MYO5C: variants seen among roughly 807,000 people sequenced by gnomAD.
The protein encoded by MYO5C is unconventional myosin-Vc.
Under a neutral mutation model 235.7 loss-of-function variants are expected in MYO5C, and 194 were observed. The ratio of observed to expected loss-of-function variants is 0.82; its 90% CI spans 0.73 to 0.93. MYO5C has a LOEUF of 0.93. Among genes scored for constraint, MYO5C ranks in the 40% least tolerant of loss-of-function variants. The pLI, the probability that MYO5C is intolerant of heterozygous loss-of-function variation, is 0.00. For synonymous variants in MYO5C, 707 were observed against 754.8 expected, an observed-to-expected ratio of 0.94 and a Z score of 1.04; for missense variants, 2,038 against 2,127.2, an observed-to-expected ratio of 0.96 and a Z score of 0.82.
intron 14 of MYO5C, 114 bp downstream of exon 14, chr15:52,248,586 T>TCG: frequency 1.5e-6 from 1 of 646,744 alleles, no homozygotes; most frequent in Non-Finnish European, 2.6e-6. Flanking sequence ...TCCAGAGAGT[T>TCG]CACACACACA....
intron 37 of MYO5C, chr15:52,205,571 G>A (rs2035293733): frequency 2.9e-6 from 1 of 345,490 alleles, no homozygotes. Context: ...AGTAGTAGAA[G>A]TTTCCCCAAG....
intron 32 of MYO5C, among the ~76,000 whole-genome samples, chr15:52,215,385 G>A (rs929542574): frequency 4.6e-5 from 7 of 152,216 alleles, no homozygotes; most frequent in African/African-American, 1.7e-4. Flanking sequence ...AAAGGACATA[G>A]TGTTTAAGTT....
Position 52,244,438 on chromosome 15 carries a change from A to G in MYO5C, c.2308T>C (p.Trp770Arg). 6 of 1,614,192 alleles carry G rather than the reference A, an allele frequency of 3.7e-6. No individual in the cohort carries two copies. The highest frequency in any genetic ancestry group is 5.1e-6 in the Non-Finnish European group (6 of 1,180,036). The change falls in exon 19 of 41, where the codon TGG becomes CGG. Residue 770 changes from tryptophan (W) to arginine (R), a missense_variant. By Grantham distance (101) the Trp-to-Arg change is moderately radical. Transcript: ENST00000261839. ...CVMVQKHMRG[W>R]LQRKKFLRER... ...CGGAGGAATTTTTTCCTCTGGAGCC[A>G]GCCACGCATGTGCTTTTGTACCATA...
intron 8 of MYO5C, chr15:52,265,181 C>T (rs142501998): frequency 6.6e-6 from 1 of 152,348 alleles, no homozygotes; most frequent in Non-Finnish European, 1.5e-5. Flanking sequence ...ATTATGACTA[C>T]ATACCATATT....
chr15:52,278,757 T>A, intron 4 of MYO5C, 116 bp downstream of exon 4: 26 of 1,214,048 alleles, frequency 2.1e-5, no homozygotes, highest in East Asian at 7.7e-5. Flanking sequence ...AAGCACCACC[T>A]CTGGCCTATC....
Position 52,253,351 on chromosome 15 carries a change from A to AT in MYO5C, c.1501dup (p.Met501AsnfsTer9). 2 of 1,612,900 alleles carry AT rather than the reference A, an allele frequency of 1.2e-6. No homozygotes were observed. The highest frequency in any genetic ancestry group is 4.5e-5 in the East Asian group (2 of 44,868). ...TTCATCCAGTAACTCCAGAATTCCCATTTTTGCTTCAATCAGGTCAATAAC... is the reference window on the plus strand; with the variant it reads ...TTCATCCAGTAACTCCAGAATTCCCATTTTTTGCTTCAATCAGGTCAATAAC... On this transcript the variant is annotated frameshift_variant, in exon 12 of 41. Transcript: ENST00000261839. LOFTEE classifies it high-confidence loss of function.
intron 1 of MYO5C, among the ~76,000 whole-genome samples, chr15:52,293,218 G>T (rs7178838): frequency 0.09 from 13,741 of 152,006 alleles, 722 homozygotes; most frequent in South Asian, 0.15. Context: ...GTTCCCACAG[G>T]GTGGCTTCCA....
Position 52,232,999 on chromosome 15 carries a change from G to A in MYO5C, c.2963-314C>T, listed in dbSNP as rs1375488877. On this transcript the variant is annotated intron_variant, in intron 23 of 40. Transcript: ENST00000261839. ...TGAATATTATTAAAAATAAATAGAG[G>A]CCGGGCGCGGTGGCTCACGCCTGTA... is the stretch of plus-strand genomic sequence containing the variant. Among the ~76,000 whole-genome samples the A allele has an allele frequency of 9.0e-4, 20 of 22,326 alleles. 8 individuals are homozygous for A. Among genetic ancestry groups the A allele is most frequent in the Non-Finnish European group, 2.7e-3 (10 of 3,744 alleles). The allele number at this position is 22,326 out of a possible 152,430, so 14.6% of individuals were successfully genotyped here.
In MYO5C at chr15:52,237,586, C is replaced by A; in HGVS notation, c.2764G>T (p.Asp922Tyr). The A allele has an allele frequency of 1.9e-6, 3 of 1,614,122 alleles. No homozygotes were observed. The highest frequency in any genetic ancestry group is 2.5e-6 in the Non-Finnish European group (3 of 1,180,032). Residue 922 changes from aspartate (D) to tyrosine (Y), a missense_variant, in exon 22 of 41, where the codon GAT becomes TAT. By Grantham distance (160) the Asp-to-Tyr change is radical (BLOSUM62 -3). Coordinates refer to ENST00000261839, the MANE Select transcript of MYO5C (RefSeq NM_018728.4). ...LTSLAALRAGDVEKIQKLEAE... is the reference protein window; with the variant it reads ...LTSLAALRAGYVEKIQKLEAE... Reference sequence around the variant, plus strand: ...TCCAGCTTCTGAATCTTTTCCACATCCCCAGCTCGAAGAGCAGCCAGGCTA... The same window carrying A: ...TCCAGCTTCTGAATCTTTTCCACATACCCAGCTCGAAGAGCAGCCAGGCTA...
rs1184210718 is a variant in MYO5C, at chr15:52,193,332, A to C, written c.*570T>G. 5.3e-5 allele frequency: 8 copies of C among 151,582 alleles called. No homozygotes were observed. The East Asian group carries it at 1.5e-3, about 29-fold the overall frequency. The allele number at this position is 151,582 out of a possible 1,614,324, so 9.4% of individuals were successfully genotyped here. A position where few individuals can be genotyped will look rare whatever the true frequency, so the allele number is the denominator to read the frequency against. ...GGAGTCTCAAAAAAAAAAAAAAAAAAAAATTTAGAAGGGTCTAAAATAAAC... is the reference window on the plus strand; with the variant it reads ...GGAGTCTCAAAAAAAAAAAAAAAAACAAATTTAGAAGGGTCTAAAATAAAC... On this transcript the variant is annotated 3_prime_UTR_variant, in exon 41 of 41. Coordinates refer to ENST00000261839, the MANE Select transcript of MYO5C (RefSeq NM_018728.4).
At chr15:52,229,971 G>A (rs958694047) in intron 24 of MYO5C, among the ~76,000 whole-genome samples, 4 of 152,176 alleles carry the variant, frequency 2.6e-5, no homozygotes, top group African/African-American at 7.2e-5. Context: ...TTCCTTCAGC[G>A]AATACCTTGG....
intron 18 of MYO5C, 137 bp downstream of exon 18, chr15:52,245,217 A>C: frequency 1.4e-6 from 1 of 709,370 alleles, no homozygotes; most frequent in Non-Finnish European, 2.5e-6. Context: ...CAGCAGACAA[A>C]TGCTCAGGGC....
intron 25 of MYO5C, among the ~76,000 whole-genome samples, chr15:52,228,030 A>C (rs1335629970): frequency 6.6e-6 from 1 of 152,196 alleles, no homozygotes; most frequent in African/African-American, 2.4e-5. Context: ...AATTCACTTA[A>C]GCCTTGATTG....
At chr15:52,273,898 C>G (rs533401016) in intron 5 of MYO5C, among the ~76,000 whole-genome samples, 3 of 152,268 alleles carry the variant, frequency 2.0e-5, no homozygotes, top group Admixed American at 2.0e-4. Flanking sequence ...TAGAAGTTCA[C>G]ATCTTTCATC....
chr15:52,214,538 A>T, intron 33 of MYO5C, 65 bp downstream of exon 33: 1 of 1,200,972 alleles, frequency 8.3e-7, no homozygotes, highest in South Asian at 1.5e-5. Flanking sequence ...CCAGAAAGAA[A>T]ATAAACACTT....
Position 52,260,992 on chromosome 15 carries a change from C to T in MYO5C, c.1183G>A (p.Val395Ile). 6.2e-7 allele frequency: 1 copy of T among 1,614,230 alleles called. No homozygotes were observed. Among genetic ancestry groups the T allele is most frequent in the Non-Finnish European group, 8.5e-7 (1 of 1,180,040 alleles). Residue 395 changes from valine to isoleucine, a missense_variant, in exon 10 of 41, where the codon GTC (valine) becomes ATC (isoleucine). Coordinates refer to ENST00000261839, the MANE Select transcript of MYO5C (RefSeq NM_018728.4). ...VVKPMTRPQA[V>I]NARDALAKKI... is the part of the protein sequence containing the mutation. The stretch of plus-strand genomic sequence containing the variant: ...TTGGCCAGTGCATCCCTGGCGTTGA[C>T]AGCCTGAGGCCTGGTCATGGGTTTT...
intron 23 of MYO5C, among the ~76,000 whole-genome samples, chr15:52,233,386 A>G (rs1376681707): frequency 6.6e-6 from 1 of 152,142 alleles, no homozygotes; most frequent in Non-Finnish European, 1.5e-5. Flanking sequence ...TCTTGGCACT[A>G]TTGCTACTTT....
intron 1 of MYO5C, among the ~76,000 whole-genome samples, chr15:52,291,294 T>C (rs2037383180): frequency 6.6e-6 from 1 of 152,208 alleles, no homozygotes; most frequent in South Asian, 2.1e-4. Flanking sequence ...GGAATGATGC[T>C]GTCAGAGAAA....
intron 38 of MYO5C, among the ~76,000 whole-genome samples, chr15:52,202,455 C>T (rs1321942911): frequency 3.3e-5 from 5 of 152,072 alleles, no homozygotes; most frequent in South Asian, 2.1e-4. Context: ...GGCAGGTGTT[C>T]GCCTGTCCTC....
Sources: allele counts gnomAD v4.1 joint callset (sites outside exome capture counted in the v4.1 genomes callset), GRCh38; gene constraint gnomAD v4.1.1; transcripts MANE v1.5; gene names NCBI Gene and HGNC (gene_info 2026-07-23, HGNC 2026-07-21).